AKT3: variants seen among roughly 807,000 people sequenced by gnomAD.
AKT3 encodes the protein RAC-gamma serine/threonine-protein kinase.
Under a neutral mutation model 65.3 loss-of-function variants are expected in AKT3, and 15 were observed. The ratio of observed to expected loss-of-function variants is 0.23; its 90% confidence interval spans 0.15 to 0.35. The LOEUF (loss-of-function observed/expected upper bound fraction) is 0.35, where lower values mean the gene tolerates loss of function less well. AKT3 is among the 10% of genes least tolerant of loss of function. AKT3 has a pLI of 1.00. For missense variants in AKT3, 243 were observed against 576.5 expected, an observed-to-expected ratio of 0.42 and a Z score of 5.92; for synonymous variants, 206 against 183.8, an observed-to-expected ratio of 1.12 and a Z score of -0.98.
At chr1:243,514,586 T>C (rs1467720821) in intron 12 of AKT3, among the ~76,000 whole-genome samples, 1 of 152,128 alleles carries the variant, frequency 6.6e-6, no homozygotes, top group East Asian at 1.9e-4. Flanking sequence ...ACCAATAAAA[T>C]ATAAGTTCCA....
rs556048249 is a variant in AKT3 at position 243,787,717 on chromosome 1, G to T, written c.46+55408C>A. Among the ~76,000 whole-genome samples, 93 of 152,116 alleles carry T rather than the reference G, an allele frequency of 6.1e-4. 2 individuals carry two copies. In the South Asian group the frequency reaches 0.018, roughly 30 times the overall value. On this transcript the variant is annotated intron_variant, in intron 2 of 13. Coordinates refer to ENST00000673466, the MANE Select transcript of AKT3 (RefSeq NM_005465.7). ...ACCCCAGACTCTCCAGTCTGACAAA[G>T]CTCCTTTGAGTATACCAATTTGCCT...
chr1:243,803,991 T>C (rs957575282), intron 2 of AKT3, among the ~76,000 whole-genome samples: 1 of 152,182 alleles, frequency 6.6e-6, no homozygotes, highest in Non-Finnish European at 1.5e-5. Context: ...AGAAGCCTGC[T>C]TGAGAATGAA....
intron 2 of AKT3, among the ~76,000 whole-genome samples, chr1:243,827,739 A>T (rs1389836293): frequency 6.6e-6 from 1 of 152,148 alleles, no homozygotes; most frequent in Non-Finnish European, 1.5e-5. Context: ...AGTGTTGAAA[A>T]ATATAGGAGC....
intron 8 of AKT3, among the ~76,000 whole-genome samples, chr1:243,576,896 C>CA (rs1410084088): frequency 6.6e-6 from 1 of 151,966 alleles, no homozygotes; most frequent in African/African-American, 2.4e-5. Flanking sequence ...CACATGGGAC[C>CA]AAAAAAGAAC....
intron 2 of AKT3, among the ~76,000 whole-genome samples, chr1:243,827,635 T>G (rs1694251605): frequency 6.6e-6 from 1 of 152,134 alleles, no homozygotes; most frequent in Non-Finnish European, 1.5e-5. Flanking sequence ...ACCAAAGAAT[T>G]AAAATATGAC....
At chr1:243,686,565 A>AC (rs1684311507) in intron 3 of AKT3, among the ~76,000 whole-genome samples, 1 of 141,380 alleles carries the variant, frequency 7.1e-6, no homozygotes, top group Non-Finnish European at 1.5e-5. Flanking sequence ...AGCAAACATT[A>AC]CTAAGTACCT....
chr1:243,799,289 T>A (rs917335237), intron 2 of AKT3, among the ~76,000 whole-genome samples: 1 of 152,196 alleles, frequency 6.6e-6, no homozygotes, highest in Non-Finnish European at 1.5e-5. Context: ...TTAACCATAA[T>A]AGAACCTCAA....
At chr1:243,701,786 G>A (rs759556354) in intron 2 of AKT3, among the ~76,000 whole-genome samples, 17 of 151,764 alleles carry the variant, frequency 1.1e-4, no homozygotes, top group Non-Finnish European at 2.2e-4. Context: ...TTGTAACATA[G>A]TCTTCAAAGC....
chr1:243,597,476 A>G (rs538110864), intron 8 of AKT3, among the ~76,000 whole-genome samples: 129 of 152,218 alleles, frequency 8.5e-4, no homozygotes, highest in Non-Finnish European at 1.4e-3. Context: ...TTTAATATCC[A>G]TTCCCCAGAA....
chr1:243,535,685 C>G (rs1671876728), intron 12 of AKT3, among the ~76,000 whole-genome samples: 1 of 152,172 alleles, frequency 6.6e-6, no homozygotes, highest in Non-Finnish European at 1.5e-5. Context: ...CTGCAATAAA[C>G]ATATGAGTAT....
intron 2 of AKT3, among the ~76,000 whole-genome samples, chr1:243,842,047 G>A (rs1695273162): frequency 6.6e-6 from 1 of 152,058 alleles, no homozygotes; most frequent in Non-Finnish European, 1.5e-5. Context: ...AACCTCTCGG[G>A]TTAATGAAAA....
chr1:243,665,183 C>CT (rs1682679970), intron 3 of AKT3, among the ~76,000 whole-genome samples: 1 of 152,192 alleles, frequency 6.6e-6, no homozygotes, highest in South Asian at 2.1e-4. Flanking sequence ...ACTTTCCTCA[C>CT]TTATTTTACC....
chr1:243,618,983 T>C (rs1280114496), intron 6 of AKT3, among the ~76,000 whole-genome samples: 15 of 152,140 alleles, frequency 9.9e-5, no homozygotes, highest in Admixed American at 9.8e-4. Context: ...CTAAGTTCAA[T>C]AGTAAAGGTC....
chr1:243,590,972 C>T (rs1466560983), intron 8 of AKT3, among the ~76,000 whole-genome samples: 1 of 152,080 alleles, frequency 6.6e-6, no homozygotes, highest in Non-Finnish European at 1.5e-5. Context: ...AAACAATGTC[C>T]AGGCTGTAAC....
intron 10 of AKT3, among the ~76,000 whole-genome samples, chr1:243,554,178 T>G (rs74153912): frequency 0.01 from 1,543 of 152,230 alleles, 20 homozygotes; most frequent in African/African-American, 0.035. Flanking sequence ...GAAAGGCACT[T>G]TGGTAGGGTA....
intron 2 of AKT3, among the ~76,000 whole-genome samples, chr1:243,799,526 T>C (rs772487995): frequency 4.6e-5 from 7 of 152,194 alleles, no homozygotes; most frequent in Non-Finnish European, 1.0e-4. Flanking sequence ...CAATAAAATA[T>C]ACTTTAGCAT....
At chr1:243,505,423 G>A (rs1669602963) in intron 13 of AKT3, 89 bp from the exon 14 acceptor site, 1 of 1,147,728 alleles carries the variant, frequency 8.7e-7, no homozygotes. Flanking sequence ...CTGAACATAG[G>A]AAAGATGAAC....
At chr1:243,579,700 T>C (rs563341230) in intron 8 of AKT3, among the ~76,000 whole-genome samples, 8 of 152,116 alleles carry the variant, frequency 5.3e-5, no homozygotes, top group Admixed American at 1.3e-4. Context: ...TCTAAAGAAA[T>C]TGACTTATAT....
At chr1:243,659,280 G>C (rs1039671902) in intron 4 of AKT3, among the ~76,000 whole-genome samples, 7 of 152,172 alleles carry the variant, frequency 4.6e-5, no homozygotes, top group African/African-American at 1.7e-4. Context: ...GGAATGGAGA[G>C]CTACTGTTCA....
Sources: gnomAD v4.1 joint callset for allele counts (sites outside exome capture counted in the v4.1 genomes callset) on GRCh38, gnomAD v4.1.1 for gene constraint, MANE v1.5 for transcripts, NCBI Gene and HGNC (gene_info 2026-07-23, HGNC 2026-07-21) for gene names.